The following FARP1 variants were observed in gnomAD, a reference collection of about 807,000 sequenced individuals.
The protein encoded by FARP1 is FERM, ARH/RhoGEF and pleckstrin domain protein 1, also known as FERM, ARHGEF and pleckstrin domain-containing protein 1.
FARP1 carries 52 observed loss-of-function variants against 128.8 expected under a neutral mutation model. The observed-to-expected ratio is 0.40, with a 90% CI of 0.32 to 0.51. FARP1 has a LOEUF of 0.51. Ranked by LOEUF, FARP1 falls within the 20% of genes least tolerant of loss-of-function variation. The pLI is 0.45. For synonymous variants in FARP1, 580 were observed against 551.8 expected (o/e 1.05, Z -0.72); for missense variants, 1,333 against 1,367.9 (o/e 0.97, Z 0.40).
At chr13:98,221,961 A>G (rs1053609141) in intron 2 of FARP1, among the ~76,000 whole-genome samples, 6 of 152,246 alleles carry the variant, frequency 3.9e-5, no homozygotes, top group East Asian at 3.8e-4. Context: ...TGAATGTTCA[A>G]TTATTTGCTG....
intron 2 of FARP1, among the ~76,000 whole-genome samples, chr13:98,288,725 C>T (rs189721408): frequency 5.4e-4 from 83 of 152,296 alleles, no homozygotes; most frequent in Non-Finnish European, 1.0e-3. Context: ...ATGGCGGTAA[C>T]AGCACCTGGG....
chr13:98,216,282 G>A (rs1450809912), intron 2 of FARP1, among the ~76,000 whole-genome samples: 1 of 152,200 alleles, frequency 6.6e-6, no homozygotes, highest in Non-Finnish European at 1.5e-5. Flanking sequence ...GGCTGGCTGT[G>A]ATGGCCCAGT....
chr13:98,148,074 G>A (rs1389027412), intron 1 of FARP1, among the ~76,000 whole-genome samples: 1 of 36,322 alleles, frequency 2.8e-5, no homozygotes, highest in Non-Finnish European at 1.2e-4. Flanking sequence ...AAAAGACAGA[G>A]GTTCCTTTTC....
In FARP1 at chr13:98,314,274, C is replaced by CTT. The variant is rs140938723; in HGVS notation, c.172-29465_172-29464dup. Among the ~76,000 whole-genome samples, 237 of 60,014 alleles carry CTT rather than the reference C, an allele frequency of 3.9e-3. 5 individuals carry two copies. Among genetic ancestry groups the CTT allele is most frequent in the African/African-American group, 7.9e-3 (117 of 14,814 alleles). The allele number at this position is 60,014 out of a possible 152,430, so 39.4% of individuals were successfully genotyped here. ...TAGCAACATTTATTATATTTTATGT[C>CTT]TTTTTTTTTTTTTTTTTTTTTTTTG... On this transcript the variant is annotated intron_variant, in intron 2 of 26. Transcript: ENST00000319562.
intron 2 of FARP1, among the ~76,000 whole-genome samples, chr13:98,258,574 T>C (rs1883724175): frequency 6.6e-6 from 1 of 152,106 alleles, no homozygotes; most frequent in South Asian, 2.1e-4. Flanking sequence ...GAAAAATCAG[T>C]TGGGTGCTGT....
At chr13:98,242,596 T>G (rs1882837696) in intron 2 of FARP1, among the ~76,000 whole-genome samples, 1 of 152,168 alleles carries the variant, frequency 6.6e-6, no homozygotes, top group Non-Finnish European at 1.5e-5. Context: ...GGAGGATTGC[T>G]TGAGCCAAGG....
intron 16 of FARP1, among the ~76,000 whole-genome samples, chr13:98,414,126 TTTACC>T (rs1477468275): frequency 6.6e-6 from 1 of 152,204 alleles, no homozygotes; most frequent in Non-Finnish European, 1.5e-5. Flanking sequence ...GCCATAAATC[TTTACC>T]TTATCTGTGA....
intron 13 of FARP1, 78 bp downstream of exon 13, chr13:98,395,554 G>T: frequency 6.8e-7 from 1 of 1,462,804 alleles, no homozygotes. Flanking sequence ...TAGCGAATAC[G>T]ACCTTCTTAG....
At chr13:98,229,524 G>T (rs906034194) in intron 2 of FARP1, among the ~76,000 whole-genome samples, 11 of 151,082 alleles carry the variant, frequency 7.3e-5, no homozygotes, top group African/African-American at 2.4e-4. Flanking sequence ...TTGGAGACAG[G>T]GTCTCTCTGT....
intron 1 of FARP1, among the ~76,000 whole-genome samples, chr13:98,183,543 G>A (rs1344207179): frequency 1.3e-5 from 2 of 152,156 alleles, no homozygotes; most frequent in Non-Finnish European, 2.9e-5. Flanking sequence ...GAATGCTCCC[G>A]TCATTGTCTT....
chr13:98,395,736 A>G, intron 13 of FARP1: 1 of 424,488 alleles, frequency 2.4e-6, no homozygotes, highest in Non-Finnish European at 4.1e-6. Context: ...CTCCTTCCGG[A>G]GAATTCCTTG....
In FARP1 at chr13:98,395,218, C is replaced by T; in HGVS notation, c.1165-9C>T. On this transcript the variant is annotated splice_polypyrimidine_tract_variant and intron_variant, in intron 12 of 26. Transcript: ENST00000319562. ...TATCTCTCCGCACCTTTTTCCCCACCCCACCCAGTCTCAGCAGAGCACCAG... is the reference window on the plus strand; with the variant it reads ...TATCTCTCCGCACCTTTTTCCCCACTCCACCCAGTCTCAGCAGAGCACCAG... The T allele has an allele frequency of 1.3e-6, 2 of 1,583,358 alleles. No homozygotes were observed. The highest frequency in any genetic ancestry group is 1.1e-5 in the South Asian group (1 of 89,450).
At chr13:98,160,786 C>T (rs1449948442) in intron 1 of FARP1, among the ~76,000 whole-genome samples, 1 of 152,140 alleles carries the variant, frequency 6.6e-6, no homozygotes, top group Admixed American at 6.6e-5. Flanking sequence ...CCTCAGCCTC[C>T]TGAGTAGCTG....
At chr13:98,356,404 A>G (rs987565832) in intron 3 of FARP1, among the ~76,000 whole-genome samples, 1 of 152,206 alleles carries the variant, frequency 6.6e-6, no homozygotes, top group African/African-American at 2.4e-5. Flanking sequence ...AAAAAGGTAC[A>G]GTAAAAAATA....
intron 1 of FARP1, among the ~76,000 whole-genome samples, chr13:98,191,811 C>T (rs1472079628): frequency 1.3e-5 from 2 of 152,078 alleles, no homozygotes; most frequent in African/African-American, 4.8e-5. Context: ...GGTGTGGTGG[C>T]GCATGCCTGT....
chr13:98,444,699 C>T (rs1420165639), intron 24 of FARP1, among the ~76,000 whole-genome samples: 5 of 152,274 alleles, frequency 3.3e-5, no homozygotes, highest in East Asian at 1.9e-4. Context: ...AGCTAGAGAG[C>T]GCTAAGGAAG....
intron 24 of FARP1, among the ~76,000 whole-genome samples, chr13:98,441,133 T>C (rs557388665): frequency 3.4e-4 from 52 of 152,314 alleles, no homozygotes; most frequent in African/African-American, 1.2e-3. Flanking sequence ...CCTGTTTTCT[T>C]GCCTCTCATG....
chr13:98,320,224 T>C (rs1886929852), intron 2 of FARP1, among the ~76,000 whole-genome samples: 1 of 152,306 alleles, frequency 6.6e-6, no homozygotes, highest in Non-Finnish European at 1.5e-5. Flanking sequence ...GAGAAAATTA[T>C]TTTATCAGTT....
At chr13:98,379,541 G>A (rs1379898007) in intron 6 of FARP1, among the ~76,000 whole-genome samples, 1 of 151,894 alleles carries the variant, frequency 6.6e-6, no homozygotes, top group African/African-American at 2.4e-5. Flanking sequence ...TTTTCATAAG[G>A]CTGTAAAAAT....
Sources: allele counts gnomAD v4.1 joint callset (sites outside exome capture counted in the v4.1 genomes callset), GRCh38; gene constraint gnomAD v4.1.1; transcripts MANE v1.5; gene names NCBI Gene and HGNC (gene_info 2026-07-23, HGNC 2026-07-21).